The following ZMYND8 variants were observed in gnomAD, a reference collection of about 807,000 sequenced individuals.
The protein encoded by ZMYND8 is MYND-type zinc finger-containing chromatin reader ZMYND8.
ZMYND8 carries 37 observed loss-of-function variants against 140.8 expected under a neutral mutation model. The ratio of observed to expected loss-of-function variants is 0.26; its 90% confidence interval spans 0.20 to 0.35. The LOEUF is 0.35. ZMYND8 is among the 10% of genes least tolerant of loss of function. ZMYND8 has a pLI of 1.00. For synonymous variants in ZMYND8, 592 were observed against 597.1 expected (o/e 0.99, Z 0.12); for missense variants, 1,068 against 1,570.0 (o/e 0.68, Z 5.40).
chr20:47,223,587 G>A (rs1482215779), intron 19 of ZMYND8, among the ~76,000 whole-genome samples: 1 of 151,998 alleles, frequency 6.6e-6, no homozygotes, highest in African/African-American at 2.4e-5. Flanking sequence ...CACTTTGGGA[G>A]GCCAAGGTAG....
chr20:47,346,135 G>A (rs1202983367), intron 2 of ZMYND8, among the ~76,000 whole-genome samples: 1 of 152,128 alleles, frequency 6.6e-6, no homozygotes, highest in Non-Finnish European at 1.5e-5. Context: ...GCCCCCTGGG[G>A]AAGGTAAGCA....
intron 2 of ZMYND8, among the ~76,000 whole-genome samples, chr20:47,336,042 C>A (rs542212078): frequency 6.6e-6 from 1 of 152,308 alleles, no homozygotes; most frequent in South Asian, 2.1e-4. Flanking sequence ...AAGAAAAATT[C>A]TCAGCACTTC....
At chr20:47,347,056 A>G (rs528798775) in intron 2 of ZMYND8, among the ~76,000 whole-genome samples, 1 of 152,258 alleles carries the variant, frequency 6.6e-6, no homozygotes, top group Non-Finnish European at 1.5e-5. Flanking sequence ...CATAACCCCC[A>G]GTGCAAGGCT....
chr20:47,272,847 C>T (rs2076039714), intron 11 of ZMYND8, among the ~76,000 whole-genome samples: 1 of 152,218 alleles, frequency 6.6e-6, no homozygotes, highest in Non-Finnish European at 1.5e-5. Flanking sequence ...ATTTTCTATT[C>T]TATGACATGG....
At chr20:47,326,529 C>T (rs970029778) in intron 2 of ZMYND8, among the ~76,000 whole-genome samples, 1 of 152,190 alleles carries the variant, frequency 6.6e-6, no homozygotes, top group African/African-American at 2.4e-5. Flanking sequence ...ACTGAGATGG[C>T]CATTTAACCA....
At chr20:47,295,541 T>C (rs1009150752) in intron 4 of ZMYND8, among the ~76,000 whole-genome samples, 2 of 152,238 alleles carry the variant, frequency 1.3e-5, no homozygotes, top group Admixed American at 6.5e-5. Flanking sequence ...ATTAATTCAA[T>C]GACATCACTG....
At chr20:47,297,238 C>T (rs1015272369) in intron 4 of ZMYND8, among the ~76,000 whole-genome samples, 2 of 152,118 alleles carry the variant, frequency 1.3e-5, no homozygotes, top group Non-Finnish European at 2.9e-5. Context: ...ACAATATCAT[C>T]GTCATCATAT....
chr20:47,322,578 C>A (rs978362900), intron 2 of ZMYND8, among the ~76,000 whole-genome samples: 1 of 151,576 alleles, frequency 6.6e-6, no homozygotes, highest in African/African-American at 2.4e-5. Context: ...GTAGCTGGGA[C>A]TACAGGCACG....
In ZMYND8 at chr20:47,298,260, G is replaced by C. The variant is rs1388001075; in HGVS notation, c.453+469C>G. 7.1e-6 allele frequency: 7 copies of C among 985,058 alleles called. No individual in the cohort carries two copies. The highest frequency in any genetic ancestry group is 8.4e-6 in the Non-Finnish European group (7 of 829,822). 61.0% of individuals were successfully genotyped at this position (985,058 alleles called of 1,614,324 possible). A position where few individuals can be genotyped will look rare whatever the true frequency, so the allele number is the denominator to read the frequency against. The stretch of plus-strand genomic sequence containing the variant: ...CCTAATAGGCACTCAAGAAATACTT[G>C]TTGCACAAAAGAAAGCACCAGACGG... On this transcript the variant is annotated intron_variant, in intron 4 of 22. Coordinates refer to ENST00000471951, the MANE Select transcript of ZMYND8 (RefSeq NM_001281775.3). The surrounding 1 kb of genome is among the most constrained non-coding windows in gnomAD (Gnocchi z 5.0).
At chr20:47,292,443 A>T (rs2077325124) in intron 5 of ZMYND8, among the ~76,000 whole-genome samples, 1 of 152,092 alleles carries the variant, frequency 6.6e-6, no homozygotes, top group Non-Finnish European at 1.5e-5. Context: ...AAAATTGTGC[A>T]AACCAAACTA....
At chr20:47,319,308 C>T (rs530919304) in intron 2 of ZMYND8, 3 of 292,360 alleles carry the variant, frequency 1.0e-5, no homozygotes, top group Admixed American at 5.0e-5. Flanking sequence ...CCATTGATTT[C>T]GTGGGATTGT....
At chr20:47,229,837 G>T (rs773605276) in intron 16 of ZMYND8, 31 bp from the exon 17 acceptor site, 16 of 1,580,868 alleles carry the variant, frequency 1.0e-5, no homozygotes, top group African/African-American at 1.4e-5. Flanking sequence ...CAATTCAGCT[G>T]ATCACTTCTT....
At chr20:47,211,022 A>C in intron 22 of ZMYND8, 125 bp from the exon 23 acceptor site, 1 of 1,322,104 alleles carries the variant, frequency 7.6e-7, no homozygotes, top group African/African-American at 1.5e-5. Context: ...TGGTTCAAAC[A>C]CTGCCACCGC....
intron 12 of ZMYND8, among the ~76,000 whole-genome samples, chr20:47,253,414 G>C (rs1601296084): frequency 1.3e-5 from 2 of 151,914 alleles, no homozygotes. Context: ...GCACCTGCCT[G>C]TAATCCCAGC....
chr20:47,236,754 G>A (rs1418905418), intron 15 of ZMYND8, among the ~76,000 whole-genome samples: 1 of 152,184 alleles, frequency 6.6e-6, no homozygotes, highest in Non-Finnish European at 1.5e-5. Flanking sequence ...ATGCTAGGAT[G>A]ACCCCAACCC....
intron 16 of ZMYND8, among the ~76,000 whole-genome samples, chr20:47,234,580 T>G (rs192898185): frequency 6.6e-6 from 1 of 152,226 alleles, no homozygotes; most frequent in Admixed American, 6.5e-5. Flanking sequence ...CGTGGAGCCA[T>G]GCCCAGATTC....
At position 47,294,797 on chromosome 20, in the gene ZMYND8, T is replaced by C. The variant is rs2077535559; in HGVS notation, c.454-18A>G. ...GTAATTTTCTACAAAGTCAAAGTCA[T>C]ACATAAACGTCCGGTTAGAAAAAAG... On this transcript the variant is annotated intron_variant, in intron 4 of 22. Transcript: ENST00000471951. The C allele has an allele frequency of 6.2e-7, 1 of 1,605,484 alleles. No individual in the cohort carries two copies. Among genetic ancestry groups the C allele is most frequent in the South Asian group, 1.1e-5 (1 of 90,850 alleles).
intron 21 of ZMYND8, 79 bp from the exon 22 acceptor site, chr20:47,212,804 G>T: frequency 7.5e-7 from 1 of 1,328,118 alleles, no homozygotes; most frequent in Non-Finnish European, 1.0e-6. Flanking sequence ...TACTATTTTT[G>T]TTCATCAACA....
intron 2 of ZMYND8, among the ~76,000 whole-genome samples, chr20:47,337,503 A>G (rs951489960): frequency 3.3e-5 from 5 of 152,100 alleles, no homozygotes; most frequent in African/African-American, 9.7e-5. Flanking sequence ...CCCTCTATAT[A>G]ATTAATAAAT....
Sources: allele counts gnomAD v4.1 joint callset (sites outside exome capture counted in the v4.1 genomes callset), GRCh38; gene constraint gnomAD v4.1.1; non-coding constraint Gnocchi (gnomAD v3.1); transcripts MANE v1.5; gene names NCBI Gene and HGNC (gene_info 2026-07-23, HGNC 2026-07-21).